Variants in CFAP47 observed in about 807,000 individuals in gnomAD.
CFAP47 encodes cilia- and flagella-associated protein 47.
CFAP47 carries 29 observed loss-of-function variants against 148.1 expected under a neutral mutation model. That is an observed-to-expected ratio of 0.20 (90% confidence interval 0.15 to 0.27). The LOEUF (loss-of-function observed/expected upper bound fraction) is 0.27, where lower values mean the gene tolerates loss of function less well. Among genes scored for constraint, CFAP47 ranks in the 10% least tolerant of loss-of-function variants. The pLI, the probability that CFAP47 is intolerant of heterozygous loss-of-function variation, is 1.00. For synonymous variants in CFAP47, 664 were observed against 577.3 expected, an observed-to-expected ratio of 1.15 and a Z score of -2.15; for missense variants, 1,872 against 1,697.5, an observed-to-expected ratio of 1.10 and a Z score of -1.81.
At position 35,923,928 on chromosome X, in the gene CFAP47, TATGTGTATATATGTAC is replaced by T. The variant is rs1316558803; in HGVS notation, c.250-2070_250-2055del. 1.0e-4 allele frequency among the ~76,000 whole-genome samples: 7 copies of T among 70,143 alleles called. 1 individual carries two copies. Among genetic ancestry groups the T allele is most frequent in the African/African-American group, 3.6e-4 (5 of 13,894 alleles). 60.9% of individuals were successfully genotyped at this position (70,143 alleles called of 115,157 possible). A position where few individuals can be genotyped will look rare whatever the true frequency, so the allele number is the denominator to read the frequency against. ...GTACATGTGTATATATGTACATATA[TATGTGTATATATGTAC>T]ATGTGTATATATGTACATATATGTG... On this transcript the variant is annotated intron_variant, in intron 1 of 63. Coordinates refer to ENST00000378653, the MANE Select transcript of CFAP47 (RefSeq NM_001304548.2).
In CFAP47 at chrX:36,280,471, T is replaced by C. The variant is rs1401047773; in HGVS notation, c.7445-16T>C. On this transcript the variant is annotated splice_polypyrimidine_tract_variant and intron_variant, in intron 49 of 63. Coordinates refer to ENST00000378653, the MANE Select transcript of CFAP47 (RefSeq NM_001304548.2). ...AAACCCTGATTAATAGGGCATCTTG[T>C]ACTTATGTGTTGTAGGTACAATTAC... The C allele has an allele frequency of 4.1e-6, 2 of 487,838 alleles. No homozygotes were observed. Among genetic ancestry groups the C allele is most frequent in the African/African-American group, 2.4e-5 (1 of 42,452 alleles). The allele number at this position is 487,838 out of a possible 1,213,427, so 40.2% of individuals were successfully genotyped here.
chrX:36,267,579 C>T (rs1367469914), intron 49 of CFAP47, among the ~76,000 whole-genome samples: 2 of 106,891 alleles, frequency 1.9e-5, no homozygotes, highest in Non-Finnish European at 3.9e-5. Context: ...CCTGGGTTCA[C>T]GCCATTCTCC....
At chrX:35,959,272 A>T (rs919458810) in intron 8 of CFAP47, among the ~76,000 whole-genome samples, 4 of 112,130 alleles carry the variant, frequency 3.6e-5, no homozygotes, top group Non-Finnish European at 7.5e-5. Flanking sequence ...TATATTCTCA[A>T]TACAAGTCCT....
chrX:35,972,139 A>G (rs1170692605), intron 13 of CFAP47, among the ~76,000 whole-genome samples, 174 bp downstream of exon 13: 2 of 112,423 alleles, frequency 1.8e-5, no homozygotes, highest in African/African-American at 6.5e-5. Context: ...TAACTTTAGT[A>G]AATTTAAAGT....
At position 36,071,954 on chromosome X, in the gene CFAP47, A is replaced by T; in HGVS notation, c.4448A>T (p.Lys1483Met). Residue 1483 changes from lysine (K) to methionine (M), a missense_variant, in exon 28 of 64, where the codon AAG (lysine) becomes ATG (methionine). Coordinates refer to ENST00000378653, the MANE Select transcript of CFAP47 (RefSeq NM_001304548.2). The stretch of plus-strand genomic sequence containing the variant: ...AAATTCAATGATGCTGAACCTGCAA[A>T]GGGAAACTTATTTATTGGTATGTAG... Reference protein sequence around the residue: ...TSKFNDAEPAKGNLFIGVEVL... With the variant: ...TSKFNDAEPAMGNLFIGVEVL... 8.3e-7 allele frequency: 1 copy of T among 1,203,612 alleles called. No individual in the cohort carries two copies. The highest frequency in any genetic ancestry group is 1.8e-5 in the South Asian group (1 of 55,484).
intron 45 of CFAP47, 56 bp from the exon 46 acceptor site, chrX:36,228,572 A>G: frequency 2.0e-6 from 1 of 505,959 alleles, no homozygotes; most frequent in African/African-American, 2.3e-5. Context: ...GCTTACCAAG[A>G]TGAATTTTAG....
intron 49 of CFAP47, among the ~76,000 whole-genome samples, chrX:36,278,438 C>T (rs1221983967): frequency 8.9e-6 from 1 of 112,903 alleles, no homozygotes; most frequent in Non-Finnish European, 1.9e-5. Flanking sequence ...TTTGCTAAAA[C>T]CGTTGGAAAA....
chrX:36,367,853 G>A (rs782597214), intron 62 of CFAP47: 2 of 111,068 alleles, frequency 1.8e-5, no homozygotes, highest in African/African-American at 3.3e-5. Flanking sequence ...TACATAATAC[G>A]TAGTCTTTTG....
intron 4 of CFAP47, 36 bp from the exon 5 acceptor site, chrX:35,951,095 A>C: frequency 1.0e-6 from 1 of 967,023 alleles, no homozygotes; most frequent in Non-Finnish European, 1.5e-6. Flanking sequence ...TTCTAATTAA[A>C]ATATGTATGT....
intron 49 of CFAP47, among the ~76,000 whole-genome samples, chrX:36,253,689 GTAGT>G (rs1236291721): frequency 8.9e-6 from 1 of 111,822 alleles, no homozygotes; most frequent in Admixed American, 9.5e-5. Context: ...TATAAACATA[GTAGT>G]TATGAACAAA....
At chrX:36,109,057 G>T (rs1307504662) in intron 33 of CFAP47, among the ~76,000 whole-genome samples, 1 of 110,970 alleles carries the variant, frequency 9.0e-6, no homozygotes, top group African/African-American at 3.3e-5. Flanking sequence ...TGTCATATTT[G>T]TTCCTTCATT....
At chrX:36,256,472 C>A (rs1358138208) in intron 49 of CFAP47, among the ~76,000 whole-genome samples, 1 of 111,702 alleles carries the variant, frequency 9.0e-6, no homozygotes, top group Non-Finnish European at 1.9e-5. Context: ...GTATACCTTA[C>A]ATATCATTTT....
intron 54 of CFAP47, among the ~76,000 whole-genome samples, chrX:36,306,208 G>C (rs150869405): frequency 9.0e-6 from 1 of 111,374 alleles, no homozygotes; most frequent in African/African-American, 3.3e-5. Flanking sequence ...TTGTGTTGGA[G>C]TCACTGGCTT....
chrX:36,276,837 C>G (rs1941023211), intron 49 of CFAP47, among the ~76,000 whole-genome samples: 1 of 112,000 alleles, frequency 8.9e-6, no homozygotes, highest in African/African-American at 3.2e-5. Flanking sequence ...GAACAATACA[C>G]CATGTGCAAA....
chrX:36,096,628 T>G (rs993451060), intron 30 of CFAP47, among the ~76,000 whole-genome samples: 4 of 111,108 alleles, frequency 3.6e-5, no homozygotes, highest in Non-Finnish European at 5.7e-5. Flanking sequence ...GTTTTTGTAT[T>G]GAAATCTACT....
At chrX:36,346,850 G>C (rs1941701495) in intron 57 of CFAP47, among the ~76,000 whole-genome samples, 1 of 111,378 alleles carries the variant, frequency 9.0e-6, no homozygotes, top group African/African-American at 3.3e-5. Context: ...AGAAAACCTG[G>C]GCAATACCAT....
intron 22 of CFAP47, among the ~76,000 whole-genome samples, chrX:36,027,106 A>G (rs953332716): frequency 1.9e-5 from 2 of 103,892 alleles, no homozygotes; most frequent in Admixed American, 1.1e-4. Context: ...ATGATTATAT[A>G]TATGTGATTA....
intron 18 of CFAP47, among the ~76,000 whole-genome samples, chrX:35,993,946 T>C (rs1936816972): frequency 8.9e-6 from 1 of 111,901 alleles, no homozygotes; most frequent in African/African-American, 3.2e-5. Flanking sequence ...CTGCTTTATG[T>C]TCTCGGAATT....
At chrX:35,927,615 GTGTA>G (rs1364191425) in intron 2 of CFAP47, among the ~76,000 whole-genome samples, 24 of 109,983 alleles carry the variant, frequency 2.2e-4, no homozygotes, top group African/African-American at 7.7e-4. Context: ...GTGTGTGTGT[GTGTA>G]TGTGTGTGTG....
Sources: allele counts gnomAD v4.1 joint callset (sites outside exome capture counted in the v4.1 genomes callset), GRCh38; gene constraint gnomAD v4.1.1; transcripts MANE v1.5; gene names NCBI Gene and HGNC (gene_info 2026-07-23, HGNC 2026-07-21).